The following EML6 variants were observed in gnomAD, a reference collection of about 807,000 sequenced individuals.
EML6 encodes the protein echinoderm microtubule-associated protein-like 6.
EML6 carries 154 observed loss-of-function variants against 240.1 expected under a neutral mutation model. That is an observed-to-expected ratio of 0.64 (90% CI 0.56 to 0.73). The LOEUF (loss-of-function observed/expected upper bound fraction) is 0.73, where lower values mean the gene tolerates loss of function less well. Among genes scored for constraint, EML6 ranks in the 30% least tolerant of loss-of-function variants. EML6 has a pLI of 0.00. For missense variants in EML6, 2,964 were observed against 2,474.6 expected (o/e 1.20, Z -4.20); for synonymous variants, 1,148 against 899.0 (o/e 1.28, Z -4.95).
chr2:54,968,049 C>A, intron 39 of EML6, 79 bp from the exon 40 acceptor site: 1 of 1,366,796 alleles, frequency 7.3e-7, no homozygotes, highest in Non-Finnish European at 1.0e-6. Context: ...TCTTCCTTAT[C>A]CCTGGGAGGT....
chr2:54,801,875 C>T (rs906915826), intron 2 of EML6, among the ~76,000 whole-genome samples: 1 of 152,170 alleles, frequency 6.6e-6, no homozygotes, highest in African/African-American at 2.4e-5. Flanking sequence ...TTTTAGTCTT[C>T]TGGATAACGA....
chr2:54,887,935 G>A (rs531157587), intron 17 of EML6, among the ~76,000 whole-genome samples: 4 of 152,236 alleles, frequency 2.6e-5, no homozygotes, highest in African/African-American at 7.2e-5. Context: ...CCCGAAGTCC[G>A]CAGTTTATAT....
At chr2:54,858,231 G>A (rs950767570) in intron 11 of EML6, among the ~76,000 whole-genome samples, 9 of 152,188 alleles carry the variant, frequency 5.9e-5, no homozygotes, top group Admixed American at 5.2e-4. Flanking sequence ...TGCTTATGAC[G>A]TGGCATATAG....
intron 2 of EML6, among the ~76,000 whole-genome samples, chr2:54,788,132 C>T (rs1669186679): frequency 6.6e-6 from 1 of 152,196 alleles, no homozygotes; most frequent in South Asian, 2.1e-4. Context: ...CGGCAGAACA[C>T]CCGTGGACCT....
In EML6 at chr2:54,948,783, A is replaced by G. The variant is rs567271326; in HGVS notation, c.4005-99A>G. 4.5e-3 allele frequency: 3,794 copies of G among 851,268 alleles called. 15 individuals carry two copies. The highest frequency in any genetic ancestry group is 4.9e-3 in the Non-Finnish European group (2,551 of 523,198). 52.7% of individuals were successfully genotyped at this position (851,268 alleles called of 1,614,324 possible). On this transcript the variant is annotated intron_variant, in intron 28 of 41. Coordinates refer to ENST00000356458, the MANE Select transcript of EML6 (RefSeq NM_001039753.4). ...GTGGAGGGGCCTTTGAGGCGGGAGG[A>G]GAGAGGAGGCCGGCACTGGCCTAGA...
intron 2 of EML6, among the ~76,000 whole-genome samples, chr2:54,780,053 T>G (rs1208950654): frequency 6.6e-6 from 1 of 152,056 alleles, no homozygotes; most frequent in African/African-American, 2.4e-5. Context: ...CTAATTCGGC[T>G]TTCCAAAGGT....
Position 54,725,215 on chromosome 2 carries a change from C to T in EML6, c.154C>T (p.His52Tyr). The T allele has an allele frequency of 6.7e-7, 1 of 1,496,936 alleles. No homozygotes were observed. Among genetic ancestry groups the T allele is most frequent in the South Asian group, 1.3e-5 (1 of 78,698 alleles). The allele number at this position is 1,496,936 out of a possible 1,614,324, so 92.7% of individuals were successfully genotyped here. ...GVGVVYNTRE[H>Y]SQKFFLGHND... ...CGGGGTGGTTTACAACACCCGCGAG[C>T]ACAGCCAAAAATTCTTCCTGGGACA... The change falls in exon 2 of 42, where the codon CAC becomes TAC. Residue 52 changes from histidine (H) to tyrosine (Y), a missense_variant. His to Tyr is a moderately conservative substitution (Grantham distance 83, BLOSUM62 2). Transcript: ENST00000356458. This position sits in a 1 kb window ranked among gnomAD's most constrained non-coding sequence, Gnocchi z 4.3.
chr2:54,845,729 C>G (rs567384451), intron 8 of EML6, among the ~76,000 whole-genome samples: 1 of 152,158 alleles, frequency 6.6e-6, no homozygotes, highest in Admixed American at 6.5e-5. Flanking sequence ...CAGCTTGAGG[C>G]TGCACAGTAC....
At position 54,838,303 on chromosome 2, in the gene EML6, A is replaced by G. The variant is rs552673694; in HGVS notation, c.848-5744A>G. Among the ~76,000 whole-genome samples, 3 of 152,296 alleles carry G rather than the reference A, an allele frequency of 2.0e-5. No individual in the cohort carries two copies. The South Asian group carries it at 6.2e-4, about 32-fold the overall frequency. ...AAAACCCGCGGGTTAAAATAATAGC[A>G]TAATGTATTGATTCATTCCTCAGTG... is the stretch of plus-strand genomic sequence containing the variant. On this transcript the variant is annotated intron_variant, in intron 7 of 41. Coordinates refer to ENST00000356458, the MANE Select transcript of EML6 (RefSeq NM_001039753.4).
chr2:54,909,703 G>A (rs1388802702), intron 24 of EML6, among the ~76,000 whole-genome samples: 1 of 152,096 alleles, frequency 6.6e-6, no homozygotes, highest in Admixed American at 6.6e-5. Flanking sequence ...AATTAGCCAA[G>A]TGTGGTGGTG....
chr2:54,794,444 C>T (rs982334318), intron 2 of EML6, among the ~76,000 whole-genome samples: 1 of 152,134 alleles, frequency 6.6e-6, no homozygotes, highest in African/African-American at 2.4e-5. Context: ...AACGTTAGTT[C>T]TCAGTCCTCT....
chr2:54,919,841 T>C (rs1674127498), intron 26 of EML6, among the ~76,000 whole-genome samples: 1 of 152,234 alleles, frequency 6.6e-6, no homozygotes, highest in African/African-American at 2.4e-5. Context: ...GGGAGGTATA[T>C]CTCAGGTGGG....
intron 16 of EML6, among the ~76,000 whole-genome samples, chr2:54,877,617 C>A (rs1279141622): frequency 6.6e-6 from 1 of 152,184 alleles, no homozygotes; most frequent in Non-Finnish European, 1.5e-5. Flanking sequence ...AATTCCTTCT[C>A]CTAAATGCTA....
intron 2 of EML6, among the ~76,000 whole-genome samples, chr2:54,756,410 A>G (rs1013204050): frequency 5.3e-5 from 8 of 152,202 alleles, no homozygotes; most frequent in African/African-American, 1.4e-4. Context: ...TTAACATTTT[A>G]ATGGATATTC....
chr2:54,877,949 A>C (rs1671598199), intron 16 of EML6, among the ~76,000 whole-genome samples: 1 of 152,232 alleles, frequency 6.6e-6, no homozygotes, highest in African/African-American at 2.4e-5. Flanking sequence ...GGTCTCTTGC[A>C]TAAGCAAGGG....
intron 17 of EML6, among the ~76,000 whole-genome samples, chr2:54,884,004 C>T (rs1408074392): frequency 3.3e-5 from 5 of 152,186 alleles, no homozygotes; most frequent in Non-Finnish European, 7.3e-5. Flanking sequence ...ACTTCTGTGA[C>T]CAAACTTGTG....
chr2:54,847,606 C>T lies in EML6; in HGVS notation c.1170C>T (p.Phe390=). The change falls in exon 9 of 42, where the codon TTC becomes TTT. Residue 390 remains phenylalanine, a synonymous_variant. Coordinates refer to ENST00000356458, the MANE Select transcript of EML6 (RefSeq NM_001039753.4). ...CCCTGGGCATGAAGGACGGCTCTTT[C>T]ATTGTTCTCCGAGTCAGGCACGTAC... is the stretch of plus-strand genomic sequence containing the variant. The part of the protein sequence containing the change: ...QLALGMKDGS[F]IVLRVRDMTE... 1.3e-6 allele frequency: 2 copies of T among 1,552,336 alleles called. No homozygotes were observed. Among genetic ancestry groups the T allele is most frequent in the Non-Finnish European group, 1.7e-6 (2 of 1,147,138 alleles).
At chr2:54,937,764 C>G (rs1292393150) in intron 28 of EML6, among the ~76,000 whole-genome samples, 1 of 152,040 alleles carries the variant, frequency 6.6e-6, no homozygotes, top group Admixed American at 6.5e-5. Context: ...ACACAGCCAT[C>G]TTCTAAAAAA....
At chr2:54,797,716 A>G (rs1300552048) in intron 2 of EML6, among the ~76,000 whole-genome samples, 1 of 152,152 alleles carries the variant, frequency 6.6e-6, no homozygotes, top group Non-Finnish European at 1.5e-5. Flanking sequence ...GTGGAAAGGC[A>G]GCCTGTGTAG....
Sources: gnomAD v4.1 joint callset for allele counts (sites outside exome capture counted in the v4.1 genomes callset) on GRCh38, gnomAD v4.1.1 for gene constraint, Gnocchi (gnomAD v3.1) non-coding constraint, MANE v1.5 for transcripts, NCBI Gene and HGNC (gene_info 2026-07-23, HGNC 2026-07-21) for gene names.